Variants in SLC39A11 observed in about 807,000 individuals in gnomAD.
SLC39A11 encodes the protein solute carrier family 39 member 11.
SLC39A11 carries 33 observed loss-of-function variants against 36.1 expected under a neutral mutation model. The ratio of observed to expected loss-of-function variants is 0.91; its 90% confidence interval spans 0.69 to 1.22. The LOEUF (loss-of-function observed/expected upper bound fraction) is 1.22. SLC39A11 is among the 50% of genes most tolerant of loss of function. SLC39A11 has a pLI of 0.00. For missense variants in SLC39A11, 432 were observed against 430.3 expected, an observed-to-expected ratio of 1.00 and a Z score of -0.03; for synonymous variants, 166 against 170.3, an observed-to-expected ratio of 0.97 and a Z score of 0.20.
intron 5 of SLC39A11, among the ~76,000 whole-genome samples, chr17:72,864,640 C>G (rs1040218927): frequency 2.6e-5 from 4 of 152,154 alleles, no homozygotes; most frequent in Non-Finnish European, 5.9e-5. Flanking sequence ...GGAAAATAAA[C>G]ATGCTCGTAA....
chr17:72,992,331 G>T (rs1459059058), intron 4 of SLC39A11, among the ~76,000 whole-genome samples: 1 of 152,178 alleles, frequency 6.6e-6, no homozygotes, highest in Non-Finnish European at 1.5e-5. Flanking sequence ...TCCAGCCAGG[G>T]TGACAAGAGT....
intron 6 of SLC39A11, among the ~76,000 whole-genome samples, chr17:72,755,765 C>G (rs1040322566): frequency 2.0e-5 from 3 of 152,338 alleles, no homozygotes; most frequent in African/African-American, 7.2e-5. Context: ...ACAAGCTTCA[C>G]CACCAGGCCC....
At position 72,831,428 on chromosome 17, in the gene SLC39A11, A is replaced by G. The variant is rs142108159; in HGVS notation, c.601+18206T>C. ...TTTCTCAAGCAGGCTCGTGTCCATG[A>G]CCTTATTTTATCCTCAAATCACCTG... On this transcript the variant is annotated intron_variant, in intron 6 of 9. Coordinates refer to ENST00000255559, the MANE Select transcript of SLC39A11 (RefSeq NM_139177.4). Among the ~76,000 whole-genome samples the G allele has an allele frequency of 6.8e-3, 1,036 of 152,308 alleles. 9 individuals carry two copies. The highest frequency in any genetic ancestry group is 0.034 in the Middle Eastern group (10 of 294).
intron 6 of SLC39A11, among the ~76,000 whole-genome samples, chr17:72,774,670 G>A (rs914267856): frequency 2.3e-4 from 35 of 152,080 alleles, no homozygotes; most frequent in African/African-American, 7.2e-4. Flanking sequence ...TCAATCAGCC[G>A]GGCAGTGACC....
intron 7 of SLC39A11, among the ~76,000 whole-genome samples, chr17:72,700,723 G>C (rs1033747279): frequency 6.6e-6 from 1 of 152,248 alleles, no homozygotes; most frequent in Non-Finnish European, 1.5e-5. Flanking sequence ...ACAATTCCAC[G>C]TGGATGGGGA....
At chr17:73,054,281 G>C (rs2059599038) in intron 3 of SLC39A11, among the ~76,000 whole-genome samples, 1 of 151,720 alleles carries the variant, frequency 6.6e-6, no homozygotes. Flanking sequence ...AGAATCTCTT[G>C]AACCCGGGAG....
chr17:72,964,780 C>T (rs1467783715), intron 4 of SLC39A11, among the ~76,000 whole-genome samples: 1 of 152,200 alleles, frequency 6.6e-6, no homozygotes. Context: ...ATAAATCATG[C>T]TGCTATAAAG....
At chr17:72,771,249 C>T (rs529985417) in intron 6 of SLC39A11, among the ~76,000 whole-genome samples, 9 of 151,478 alleles carry the variant, frequency 5.9e-5, no homozygotes, top group South Asian at 2.1e-4. Flanking sequence ...CTGGGAGTGG[C>T]GGCGATGCCT....
intron 7 of SLC39A11, among the ~76,000 whole-genome samples, chr17:72,718,503 G>C (rs917272387): frequency 2.6e-5 from 4 of 152,156 alleles, no homozygotes; most frequent in African/African-American, 9.7e-5. Context: ...TTCATAATGG[G>C]AGATTAGACA....
chr17:72,986,588 A>G (rs760998939), intron 4 of SLC39A11, among the ~76,000 whole-genome samples: 12 of 152,218 alleles, frequency 7.9e-5, no homozygotes, highest in Admixed American at 5.9e-4. Flanking sequence ...GATCAGGAGC[A>G]TCAGCCACCT....
intron 7 of SLC39A11, among the ~76,000 whole-genome samples, chr17:72,683,534 A>G (rs1048970122): frequency 2.0e-5 from 3 of 151,504 alleles, no homozygotes; most frequent in Non-Finnish European, 4.4e-5. Context: ...CAGGGGTCTC[A>G]CTATATTGCC....
chr17:72,785,680 A>G (rs1598730213), intron 6 of SLC39A11, among the ~76,000 whole-genome samples: 1 of 152,138 alleles, frequency 6.6e-6, no homozygotes. Context: ...TCAAATGGCC[A>G]CCACCGGGAG....
intron 4 of SLC39A11, among the ~76,000 whole-genome samples, chr17:72,995,122 T>C (rs1248330643): frequency 1.3e-5 from 2 of 152,214 alleles, no homozygotes; most frequent in Admixed American, 1.3e-4. Context: ...AAGCTCTCCA[T>C]GGCAGGTTGA....
At chr17:72,997,070 G>A (rs1439877857) in intron 4 of SLC39A11, among the ~76,000 whole-genome samples, 4 of 152,146 alleles carry the variant, frequency 2.6e-5, no homozygotes, top group Admixed American at 6.5e-5. Context: ...AGATGCATGA[G>A]AAAGCTCTAT....
chr17:72,900,134 GA>G (rs879548998), intron 5 of SLC39A11, among the ~76,000 whole-genome samples: 1 of 83,348 alleles, frequency 1.2e-5, no homozygotes, highest in African/African-American at 7.9e-5. Flanking sequence ...AAGAAAGAAA[GA>G]AAGAAAAAGA....
chr17:72,857,316 A>AT (rs982684800), intron 5 of SLC39A11, among the ~76,000 whole-genome samples: 18 of 151,844 alleles, frequency 1.2e-4, no homozygotes, highest in African/African-American at 2.4e-4. Context: ...ACATGATCTC[A>AT]TTTTTTTTAT....
At chr17:72,970,067 C>CA (rs771580907) in intron 4 of SLC39A11, among the ~76,000 whole-genome samples, 2 of 152,098 alleles carry the variant, frequency 1.3e-5, no homozygotes, top group Admixed American at 6.6e-5. Flanking sequence ...TCTTTTGTTC[C>CA]AAAAAAATGT....
At chr17:72,870,800 T>C (rs1304032043) in intron 5 of SLC39A11, among the ~76,000 whole-genome samples, 1 of 152,232 alleles carries the variant, frequency 6.6e-6, no homozygotes, top group Non-Finnish European at 1.5e-5. Context: ...TAATTATCTT[T>C]GGCAATCCCC....
chr17:72,668,644 G>A (rs893441010), intron 7 of SLC39A11, among the ~76,000 whole-genome samples: 1 of 152,326 alleles, frequency 6.6e-6, no homozygotes, highest in Middle Eastern at 3.4e-3. Flanking sequence ...TGGGCATGAA[G>A]GAAGGAGAAA....
Sources: gnomAD v4.1 joint callset for allele counts (sites outside exome capture counted in the v4.1 genomes callset) on GRCh38, gnomAD v4.1.1 for gene constraint, MANE v1.5 for transcripts, NCBI Gene and HGNC (gene_info 2026-07-23, HGNC 2026-07-21) for gene names.